KIF1A: variants seen among roughly 807,000 people sequenced by gnomAD.
KIF1A encodes the protein kinesin family member 1A, also known as kinesin-like protein KIF1A.
KIF1A carries 46 observed loss-of-function variants against 227.3 expected under a neutral mutation model. The ratio of observed to expected loss-of-function variants is 0.20; its 90% CI spans 0.16 to 0.26. KIF1A has a LOEUF of 0.26. KIF1A is among the 10% of genes least tolerant of loss of function. KIF1A has a pLI of 1.00. For synonymous variants in KIF1A, 1,022 were observed against 1,012.8 expected, an observed-to-expected ratio of 1.01 and a Z score of -0.17; for missense variants, 1,683 against 2,485.9, an observed-to-expected ratio of 0.68 and a Z score of 6.87.
At chr2:240,768,665 C>A (rs1209846384) in intron 17 of KIF1A, among the ~76,000 whole-genome samples, 1 of 152,166 alleles carries the variant, frequency 6.6e-6, no homozygotes, top group Non-Finnish European at 1.5e-5. Flanking sequence ...CATGTGAGGG[C>A]CTCCAGCTGA....
At chr2:240,732,190 C>T (rs1277667083) in intron 38 of KIF1A, among the ~76,000 whole-genome samples, 1 of 38,978 alleles carries the variant, frequency 2.6e-5, no homozygotes, top group Non-Finnish European at 4.6e-5. Flanking sequence ...AGAGAATGAG[C>T]GGTGGAGGGG....
At chr2:240,796,561 C>T (rs1277822137) in intron 2 of KIF1A, among the ~76,000 whole-genome samples, 6 of 152,216 alleles carry the variant, frequency 3.9e-5, no homozygotes, top group Admixed American at 2.0e-4. Flanking sequence ...GGTCTGCTTC[C>T]AGGAACCAAA....
intron 28 of KIF1A, chr2:240,748,767 G>C (rs2048885218): frequency 4.6e-6 from 1 of 217,914 alleles, no homozygotes; most frequent in African/African-American, 2.4e-5. Context: ...TGGATGACAA[G>C]CAATGACATG....
Position 240,726,156 on chromosome 2 carries a change from G to A in KIF1A, c.4122+670C>T, listed in dbSNP as rs1303420526. Among the ~76,000 whole-genome samples, 2 of 152,158 alleles carry A rather than the reference G, an allele frequency of 1.3e-5. No homozygotes were observed. Among genetic ancestry groups the A allele is most frequent in the African/African-American group, 2.4e-5 (1 of 41,438 alleles). ...GAGGCCACAGCCCAGGTCTGGCCAC[G>A]GCCTATGTACTGCAGACTCTGGGGG... On this transcript the variant is annotated intron_variant, in intron 39 of 48. Transcript: ENST00000498729. The surrounding 1 kb of genome is among the most constrained non-coding windows in gnomAD (Gnocchi z 5.2).
Position 240,788,872 on chromosome 2 carries a change from G to A in KIF1A, c.183+364C>T, listed in dbSNP as rs1343801793. Among the ~76,000 whole-genome samples, 1 of 152,140 alleles carries A rather than the reference G, an allele frequency of 6.6e-6. No homozygotes were observed. Among genetic ancestry groups the A allele is most frequent in the Admixed American group, 6.5e-5 (1 of 15,286 alleles). On this transcript the variant is annotated intron_variant, in intron 3 of 48. Transcript: ENST00000498729. This position sits in a 1 kb window ranked among gnomAD's most constrained non-coding sequence, Gnocchi z 6.6. ...AGTGTGGACTGGATCGGGGAGGAGG[G>A]AAGGAGAAGAGTCCAGGGGTCTCCT...
chr2:240,762,769 G>C lies in KIF1A; in HGVS notation c.2066C>G (p.Ser689Cys), dbSNP rs1553633725. 2 of 1,600,350 alleles carry C rather than the reference G, an allele frequency of 1.2e-6. No individual in the cohort carries two copies. Residue 689 changes from serine to cysteine, a missense_variant, in exon 23 of 49, where the codon TCC (serine) becomes TGC (cysteine). Transcript: ENST00000498729. ...CTCGTTCACCTCCGGGTAGTACCTG[G>C]AGTCCATCTGCTTCTGCAGAGCCTC... ...KLEALQKQMD[S>C]RYYPEVNEEE...
chr2:240,732,481 G>T (rs2046820337), intron 38 of KIF1A, among the ~76,000 whole-genome samples: 1 of 146,010 alleles, frequency 6.8e-6, no homozygotes, highest in African/African-American at 2.5e-5. Flanking sequence ...GGGGGTGAGG[G>T]GAGGAAAGGG....
At chr2:240,770,424 C>G (rs1194871116) in intron 15 of KIF1A, among the ~76,000 whole-genome samples, 2 of 152,212 alleles carry the variant, frequency 1.3e-5, no homozygotes, top group Non-Finnish European at 2.9e-5. Context: ...ACACTCACTG[C>G]CCTTCTCAGG....
In KIF1A at chr2:240,719,052, G is replaced by A. The variant is rs199804623; in HGVS notation, c.5168C>T (p.Ala1723Val). Residue 1723 changes from alanine (A) to valine (V), a missense_variant, in exon 47 of 49, where the codon GCC becomes GTC. Coordinates refer to ENST00000498729, the MANE Select transcript of KIF1A (RefSeq NM_001244008.2). ...DTVERFVLNL[A>V]TAQVEYSEDQ... ...CTCACTGTACTCCACCTGGGCAGTG[G>A]CCAGGTTGAGCACGAACCGCTCCAC... 705 of 1,612,352 alleles carry A rather than the reference G, an allele frequency of 4.4e-4. No homozygotes were observed. Among genetic ancestry groups the A allele is most frequent in the Non-Finnish European group, 5.3e-4 (623 of 1,179,624 alleles).
intron 1 of KIF1A, among the ~76,000 whole-genome samples, chr2:240,815,485 C>T (rs149795152): frequency 2.6e-5 from 4 of 152,242 alleles, no homozygotes; most frequent in African/African-American, 9.6e-5. Flanking sequence ...CCTGTCATTC[C>T]TAAGCCAGGC....
rs2051597754 is a variant in KIF1A at position 240,769,147 on chromosome 2, A to G, written c.1483T>C (p.Phe495Leu). ...MREDGGTLGV[F>L]SPKKTPHLVN... The stretch of plus-strand genomic sequence containing the variant: ...ATAGCTCCTACCTTTTTGGGAGAGA[A>G]TACGCCCAAGGTGCCGCCATCCTCC... The change falls in exon 17 of 49, where the codon TTC becomes CTC. Residue 495 changes from phenylalanine (F) to leucine (L), a missense_variant. Phe to Leu is a conservative substitution (Grantham distance 22). This residue lies in a region of KIF1A where 217 missense variants were observed against 427.0 expected (regional missense o/e 0.51). Coordinates refer to ENST00000498729, the MANE Select transcript of KIF1A (RefSeq NM_001244008.2). 6.2e-7 allele frequency: 1 copy of G among 1,610,364 alleles called. No individual in the cohort carries two copies. Among genetic ancestry groups the G allele is most frequent in the Non-Finnish European group, 8.5e-7 (1 of 1,178,738 alleles).
At position 240,742,952 on chromosome 2, in the gene KIF1A, C is replaced by A. The variant is rs369849214; in HGVS notation, c.3617G>T (p.Arg1206Leu). The change falls in exon 34 of 49, where the codon CGG (arginine) becomes CTG (leucine). Residue 1206 changes from arginine to leucine, a missense_variant. Arg to Leu is a moderately radical substitution (Grantham distance 102, BLOSUM62 -2). Around this residue, in one of 12 missense-constraint regions of KIF1A, gnomAD observed 759 missense variants for 1,020.2 expected, o/e 0.74. Coordinates refer to ENST00000498729, the MANE Select transcript of KIF1A (RefSeq NM_001244008.2). ...ACCTGGCTTGGACAGTGGCATGACC[C>A]GAGGGAAGTGGCGGCGCGAGGGCCT... ...PLRPSRRHFP[R>L]VMPLSKPVPA... 33 of 1,611,524 alleles carry A rather than the reference C, an allele frequency of 2.0e-5. No homozygotes were observed. The highest frequency in any genetic ancestry group is 2.8e-5 in the Non-Finnish European group (33 of 1,178,880).
chr2:240,724,099 C>T (rs1333825473), intron 40 of KIF1A, 63 bp from the exon 41 acceptor site: 7 of 1,448,506 alleles, frequency 4.8e-6, no homozygotes, highest in South Asian at 4.6e-5. Flanking sequence ...ACACAGCCAG[C>T]CTGGCTGCTG....
At chr2:240,816,149 A>AGTGTGTGTGTGT (rs71282124) in intron 1 of KIF1A, among the ~76,000 whole-genome samples, 3 of 150,416 alleles carry the variant, frequency 2.0e-5, no homozygotes, top group East Asian at 2.0e-4. Flanking sequence ...AGGGATGCAG[A>AGTGTGTGTGTGT]GTGTGTGTGT....
At chr2:240,738,936 C>T (rs1041563831) in intron 37 of KIF1A, among the ~76,000 whole-genome samples, 1 of 152,200 alleles carries the variant, frequency 6.6e-6, no homozygotes, top group Non-Finnish European at 1.5e-5. Context: ...ACCGTGTGGC[C>T]GGGTCCATAA....
intron 27 of KIF1A, among the ~76,000 whole-genome samples, chr2:240,755,274 G>A (rs748184781): frequency 2.0e-5 from 3 of 152,242 alleles, no homozygotes; most frequent in African/African-American, 4.8e-5. Context: ...CAGAGGCCAG[G>A]GTACCTTGAA....
At chr2:240,760,969 T>C in intron 24 of KIF1A, 126 bp from the exon 25 acceptor site, 1 of 1,036,338 alleles carries the variant, frequency 9.6e-7, no homozygotes, top group Non-Finnish European at 1.4e-6. Flanking sequence ...ACTGGAACCT[T>C]TCAGACAGCC....
intron 34 of KIF1A, among the ~76,000 whole-genome samples, chr2:240,742,511 TCCAGGCA>T (rs2048098097): frequency 6.6e-6 from 1 of 152,112 alleles, no homozygotes; most frequent in Non-Finnish European, 1.5e-5. Flanking sequence ...GGCTCCAGGC[TCCAGGCA>T]AAAGCTCTGA....
Position 240,714,445 on chromosome 2 carries a change from GC to G in KIF1A, c.*2918del. ...TCCCCCTTTCTGGTGGAGGATGGCT[GC>G]CCCCAAACCAAAACAAGCCCCCAGA... On this transcript the variant is annotated 3_prime_UTR_variant, in exon 49 of 49. Transcript: ENST00000498729. 1 of 152,760 alleles carries G rather than the reference GC, an allele frequency of 6.5e-6. No homozygotes were observed. Among genetic ancestry groups the G allele is most frequent in the Non-Finnish European group, 1.5e-5 (1 of 68,412 alleles). The allele number at this position is 152,760 out of a possible 1,614,324, so 9.5% of individuals were successfully genotyped here.
Sources: allele counts gnomAD v4.1 joint callset (sites outside exome capture counted in the v4.1 genomes callset), GRCh38; gene constraint gnomAD v4.1.1; regional missense constraint gnomAD v4.1.1; non-coding constraint Gnocchi (gnomAD v3.1); transcripts MANE v1.5; gene names NCBI Gene and HGNC (gene_info 2026-07-23, HGNC 2026-07-21).